HCFC2: variants seen among roughly 807,000 people sequenced by gnomAD.
The protein encoded by HCFC2 is host cell factor 2.
HCFC2 carries 18 observed loss-of-function variants against 89.2 expected under a neutral mutation model. The ratio of observed to expected loss-of-function variants is 0.20; its 90% CI spans 0.14 to 0.30. HCFC2 has a LOEUF of 0.30. HCFC2 is among the 10% of genes least tolerant of loss of function. The probability of loss-of-function intolerance (pLI) is 1.00; values close to 1 mark genes in which losing one functional copy is unlikely to be tolerated. For synonymous variants in HCFC2, 308 were observed against 335.7 expected, an observed-to-expected ratio of 0.92 and a Z score of 0.90; for missense variants, 578 against 956.1, an observed-to-expected ratio of 0.60 and a Z score of 5.21.
chr12:104,066,137 A>C (rs775953820), intron 1 of HCFC2, 30 bp from the exon 2 acceptor site: 1 of 1,604,222 alleles, frequency 6.2e-7, no homozygotes, highest in Non-Finnish European at 8.5e-7. Context: ...TGTTTGTTAT[A>C]ATCGGTTTTC....
intron 12 of HCFC2, chr12:104,097,589 C>T: frequency 1.3e-6 from 1 of 776,292 alleles, no homozygotes; most frequent in Non-Finnish European, 1.6e-6. Context: ...TAAGCATGTA[C>T]CTCTGCTGTT....
At position 104,068,682 on chromosome 12, in the gene HCFC2, C is replaced by A. The variant is rs1013078820; in HGVS notation, c.473+575C>A. ...TGTTTGTTTGTTTGTATGTTGAGTTCCAATAAGCCTTTATGAAGCAGCTCA... is the reference window on the plus strand; with the variant it reads ...TGTTTGTTTGTTTGTATGTTGAGTTACAATAAGCCTTTATGAAGCAGCTCA... On this transcript the variant is annotated intron_variant, in intron 3 of 14. Coordinates refer to ENST00000229330, the MANE Select transcript of HCFC2 (RefSeq NM_013320.3). This position sits in a 1 kb window ranked among gnomAD's most constrained non-coding sequence, Gnocchi z 4.1. Among the ~76,000 whole-genome samples the A allele has an allele frequency of 6.6e-6, 1 of 152,026 alleles. No homozygotes were observed. The highest frequency in any genetic ancestry group is 1.5e-5 in the Non-Finnish European group (1 of 68,012).
At chr12:104,077,567 TA>T (rs905524279) in intron 3 of HCFC2, among the ~76,000 whole-genome samples, 1 of 149,110 alleles carries the variant, frequency 6.7e-6, no homozygotes, top group African/African-American at 2.5e-5. Context: ...TTTTTTTTTT[TA>T]AACTATCTTA....
At position 104,079,583 on chromosome 12, in the gene HCFC2, A is replaced by T; in HGVS notation, c.612A>T (p.Gly204=). 6.2e-7 allele frequency: 1 copy of T among 1,614,158 alleles called. No homozygotes were observed. Among genetic ancestry groups the T allele is most frequent in the Non-Finnish European group, 8.5e-7 (1 of 1,180,010 alleles). The part of the protein sequence containing the change: ...TAVIYCKKDS[G]SPKMYVFGGM... The stretch of plus-strand genomic sequence containing the variant: ...TTATATATTGCAAAAAAGATTCTGG[A>T]AGTCCTAAAATGTATGTTTTTGGTG... The change falls in exon 4 of 15, where the codon GGA becomes GGT. Residue 204 remains glycine, a synonymous_variant. Coordinates refer to ENST00000229330, the MANE Select transcript of HCFC2 (RefSeq NM_013320.3).
At chr12:104,085,995 A>ATT (rs774649121) in intron 7 of HCFC2, among the ~76,000 whole-genome samples, 127 of 109,332 alleles carry the variant, frequency 1.2e-3, no homozygotes, top group Non-Finnish European at 1.4e-3. Flanking sequence ...TCCTCCCACC[A>ATT]TTTTTTTTTT....
In HCFC2 at chr12:104,064,922, T is replaced by G; in HGVS notation, c.163+199T>G. ...CCGCAGCTCAGGATCTCCGGGGCCC[T>G]TGGGGCGCAACGGACCCCGAGCGGG... is the stretch of plus-strand genomic sequence containing the variant. On this transcript the variant is annotated intron_variant, in intron 1 of 14. Transcript: ENST00000229330. The surrounding 1 kb of genome is among the most constrained non-coding windows in gnomAD (Gnocchi z 7.3). The G allele has an allele frequency of 2.4e-6, 1 of 424,128 alleles. No individual in the cohort carries two copies. The allele number at this position is 424,128 out of a possible 1,614,324, so 26.3% of individuals were successfully genotyped here.
chr12:104,091,650 CTGAG>C (rs1884026398), intron 9 of HCFC2, among the ~76,000 whole-genome samples: 1 of 152,086 alleles, frequency 6.6e-6, no homozygotes. Context: ...TCCAGTTAGA[CTGAG>C]TGTCTGATTT....
At chr12:104,078,649 G>A (rs1376712944) in intron 3 of HCFC2, among the ~76,000 whole-genome samples, 1 of 151,990 alleles carries the variant, frequency 6.6e-6, no homozygotes, top group East Asian at 1.9e-4. Flanking sequence ...TGTCTTAAGG[G>A]ATATTTATCA....
At chr12:104,102,185 TTTAAA>T (rs780546015) in intron 14 of HCFC2, 32 bp downstream of exon 14, 27 of 1,549,790 alleles carry the variant, frequency 1.7e-5, no homozygotes, top group Non-Finnish European at 2.4e-5. Context: ...TGTTGGTGAT[TTTAAA>T]TTATTTGAAA....
chr12:104,091,720 G>T (rs1002646463), intron 9 of HCFC2, among the ~76,000 whole-genome samples: 5 of 152,092 alleles, frequency 3.3e-5, no homozygotes, highest in Non-Finnish European at 5.9e-5. Context: ...AACCAAATTC[G>T]AATTCTAGCT....
At chr12:104,082,365 C>A in intron 5 of HCFC2, 135 bp from the exon 6 acceptor site, 2 of 558,910 alleles carry the variant, frequency 3.6e-6, no homozygotes, top group East Asian at 3.1e-5. Flanking sequence ...TTCCCATTAC[C>A]TTGACAATGG....
intron 9 of HCFC2, among the ~76,000 whole-genome samples, chr12:104,092,959 A>G (rs1593608372): frequency 6.6e-6 from 1 of 152,276 alleles, no homozygotes; most frequent in South Asian, 2.1e-4. Flanking sequence ...AAAATAGTTT[A>G]TTTGCTTGAA....
Position 104,095,476 on chromosome 12 carries a change from C to CA in HCFC2, c.1580dup (p.Thr528AspfsTer3). 1 of 1,613,696 alleles carries CA rather than the reference C, an allele frequency of 6.2e-7. No individual in the cohort carries two copies. The highest frequency in any genetic ancestry group is 8.5e-7 in the Non-Finnish European group (1 of 1,179,734). Reference sequence around the variant, plus strand: ...CAGCACACAAACTATGGTAACCCAGCAGACCATTAAAACTGAATCATCCAG... The same window carrying CA: ...CAGCACACAAACTATGGTAACCCAGCAAGACCATTAAAACTGAATCATCCAG... On this transcript the variant is annotated frameshift_variant, in exon 11 of 15. Coordinates refer to ENST00000229330, the MANE Select transcript of HCFC2 (RefSeq NM_013320.3). LOFTEE classifies it high-confidence loss of function. The surrounding 1 kb of genome is among the most constrained non-coding windows in gnomAD (Gnocchi z 4.2).
At chr12:104,072,252 G>T (rs933114489) in intron 3 of HCFC2, among the ~76,000 whole-genome samples, 1 of 151,954 alleles carries the variant, frequency 6.6e-6, no homozygotes, top group Non-Finnish European at 1.5e-5. Context: ...TGTGCCTGTG[G>T]TCCCATCTAC....
In HCFC2 at chr12:104,091,233, A is replaced by G. The variant is rs1884014186; in HGVS notation, c.1285-2153A>G. ...TTCTGCCTATTTCCCATCTTCAGCTAGAATGGAGGAGAGGAATTTCTCTGG... is the reference window on the plus strand; with the variant it reads ...TTCTGCCTATTTCCCATCTTCAGCTGGAATGGAGGAGAGGAATTTCTCTGG... On this transcript the variant is annotated intron_variant, in intron 9 of 14. Coordinates refer to ENST00000229330, the MANE Select transcript of HCFC2 (RefSeq NM_013320.3). Among the ~76,000 whole-genome samples, 4 of 152,344 alleles carry G rather than the reference A, an allele frequency of 2.6e-5. No homozygotes were observed. In the South Asian group the frequency reaches 6.2e-4, roughly 24 times the overall value.
rs1171953507 is a variant in HCFC2, at chr12:104,080,727, T to C, written c.683-19T>C. ...CTCTTGTTAGATCAAGTTGCTAATA[T>C]AATTATTTTTACTTTTAGAAACTAT... On this transcript the variant is annotated intron_variant, in intron 4 of 14. Coordinates refer to ENST00000229330, the MANE Select transcript of HCFC2 (RefSeq NM_013320.3). 7 of 1,473,862 alleles carry C rather than the reference T, an allele frequency of 4.7e-6. No individual in the cohort carries two copies. The East Asian group carries it at 1.6e-4, about 34-fold the overall frequency. 91.3% of individuals were successfully genotyped at this position (1,473,862 alleles called of 1,614,324 possible). A position where few individuals can be genotyped will look rare whatever the true frequency, so the allele number is the denominator to read the frequency against.
Position 104,082,727 on chromosome 12 carries a change from A to G in HCFC2, c.889A>G (p.Thr297Ala). 6.2e-7 allele frequency: 1 copy of G among 1,612,396 alleles called. No individual in the cohort carries two copies. The highest frequency in any genetic ancestry group is 8.5e-7 in the Non-Finnish European group (1 of 1,179,418). The change falls in exon 7 of 15, where the codon ACC (threonine) becomes GCC (alanine). Residue 297 changes from threonine (T) to alanine (A), a missense_variant. This residue lies in a region of HCFC2 where 206 missense variants were observed against 419.2 expected (regional missense o/e 0.49). Coordinates refer to ENST00000229330, the MANE Select transcript of HCFC2 (RefSeq NM_013320.3). ...SYLNLDTTEWTTLVSDSQEDK... is the reference protein window; with the variant it reads ...SYLNLDTTEWATLVSDSQEDK... ...TATCTTTTCAGATACAACAGAGTGG[A>G]CCACCCTAGTATCAGATTCTCAGGA...
At chr12:104,077,789 A>G (rs954698782) in intron 3 of HCFC2, among the ~76,000 whole-genome samples, 7 of 151,898 alleles carry the variant, frequency 4.6e-5, no homozygotes, top group Non-Finnish European at 1.0e-4. Context: ...TTTTTTAAAC[A>G]TTCTTTTGCC....
chr12:104,067,154 C>T lies in HCFC2; in HGVS notation c.313-793C>T, dbSNP rs1883175745. Among the ~76,000 whole-genome samples, 6 of 152,324 alleles carry T rather than the reference C, an allele frequency of 3.9e-5. No homozygotes were observed. The South Asian group carries it at 1.2e-3, about 32-fold the overall frequency. ...GATAGTTGGCATTGGTATCAACTGA[C>T]ATATTCACAACTTTGAATAAAACTT... On this transcript the variant is annotated intron_variant, in intron 2 of 14. Coordinates refer to ENST00000229330, the MANE Select transcript of HCFC2 (RefSeq NM_013320.3).
Sources: gnomAD v4.1 joint callset for allele counts (sites outside exome capture counted in the v4.1 genomes callset) on GRCh38, gnomAD v4.1.1 for gene constraint, gnomAD v4.1.1 regional missense constraint, Gnocchi (gnomAD v3.1) non-coding constraint, MANE v1.5 for transcripts, NCBI Gene and HGNC (gene_info 2026-07-23, HGNC 2026-07-21) for gene names.